ANO6: variants seen among roughly 807,000 people sequenced by gnomAD.
ANO6 encodes the protein anoctamin-6.
In ANO6, 106 loss-of-function variants were observed where a neutral mutation model predicts 117.5. That is an observed-to-expected ratio of 0.90 (90% CI 0.77 to 1.06). The LOEUF (loss-of-function observed/expected upper bound fraction) is 1.06. ANO6 is among the 50% of genes least tolerant of loss of function. ANO6 has a pLI of 0.00. For missense variants in ANO6, 955 were observed against 1,121.1 expected, an observed-to-expected ratio of 0.85 and a Z score of 2.12; for synonymous variants, 367 against 385.1, an observed-to-expected ratio of 0.95 and a Z score of 0.55.
At chr12:45,259,662 T>C (rs1386279114) in intron 1 of ANO6, among the ~76,000 whole-genome samples, 1 of 152,206 alleles carries the variant, frequency 6.6e-6, no homozygotes, top group Non-Finnish European at 1.5e-5. Context: ...TGCCTCTTTA[T>C]TTGCTCCAAC....
At chr12:45,240,351 A>ATTTTTTT (rs57126852) in intron 1 of ANO6, among the ~76,000 whole-genome samples, 2 of 30,700 alleles carry the variant, frequency 6.5e-5, no homozygotes, top group Non-Finnish European at 8.7e-5. Context: ...GCAACCCCTG[A>ATTTTTTT]TTTTTTTTTT....
At chr12:45,347,850 G>A (rs948305507) in intron 4 of ANO6, among the ~76,000 whole-genome samples, 178 bp from the exon 5 acceptor site, 11 of 151,996 alleles carry the variant, frequency 7.2e-5, no homozygotes, top group African/African-American at 2.7e-4. Context: ...CCAAGAAATC[G>A]TCTTTAAGAC....
At chr12:45,218,703 CAAAGCCTTTTACA>C (rs773319686) in intron 1 of ANO6, among the ~76,000 whole-genome samples, 3 of 152,124 alleles carry the variant, frequency 2.0e-5, no homozygotes, top group Non-Finnish European at 4.4e-5. Context: ...GATAGTGGTC[CAAAGCCTTTTACA>C]AAATAATTAT....
chr12:45,309,358 A>G (rs988129227), intron 2 of ANO6, among the ~76,000 whole-genome samples: 3 of 152,106 alleles, frequency 2.0e-5, no homozygotes, highest in Non-Finnish European at 4.4e-5. Flanking sequence ...TTGGGGTTGT[A>G]TTCTATTCAC....
chr12:45,424,077 C>T (rs1943433063), intron 19 of ANO6, among the ~76,000 whole-genome samples: 1 of 151,170 alleles, frequency 6.6e-6, no homozygotes. Context: ...ACAAGTAACT[C>T]ACGGTTAGTA....
chr12:45,328,028 T>A (rs1318938258), intron 2 of ANO6, among the ~76,000 whole-genome samples: 2 of 152,070 alleles, frequency 1.3e-5, no homozygotes, highest in Non-Finnish European at 2.9e-5. Flanking sequence ...ACCTTGATCA[T>A]CATAGAGTCA....
rs779869886 is a variant in ANO6, at chr12:45,413,075, G to A, written c.2011+3588G>A. On this transcript the variant is annotated intron_variant, in intron 16 of 19. Transcript: ENST00000320560. ...TCTGGTGTGCTTAGCCTGAGGACTT[G>A]AACTTTATTCTTAAAGAAATTAGGA... is the stretch of plus-strand genomic sequence containing the variant. Among the ~76,000 whole-genome samples the A allele has an allele frequency of 5.9e-5, 9 of 152,294 alleles. No individual in the cohort carries two copies. The South Asian group carries it at 6.2e-4, about 11-fold the overall frequency.
chr12:45,408,201 T>C (rs1190799309), intron 15 of ANO6, among the ~76,000 whole-genome samples: 1 of 152,228 alleles, frequency 6.6e-6, no homozygotes, highest in Non-Finnish European at 1.5e-5. Flanking sequence ...CATCATGCGA[T>C]GCCTTCTCAT....
chr12:45,355,893 G>A (rs1941398649), intron 7 of ANO6, among the ~76,000 whole-genome samples: 1 of 152,170 alleles, frequency 6.6e-6, no homozygotes, highest in South Asian at 2.1e-4. Flanking sequence ...TAAGACCAAG[G>A]AGTTCAGCCC....
At chr12:45,357,499 GT>G in intron 8 of ANO6, 75 bp downstream of exon 8, 1 of 1,552,846 alleles carries the variant, frequency 6.4e-7, no homozygotes. Context: ...GTCTTAAACT[GT>G]TTTGGTAAGA....
chr12:45,303,528 A>T (rs753051015), intron 2 of ANO6, among the ~76,000 whole-genome samples: 61 of 152,322 alleles, frequency 4.0e-4, no homozygotes, highest in African/African-American at 1.4e-3. Context: ...GTAAACCTAT[A>T]CATAGTTCGC....
At chr12:45,250,228 C>T (rs1213982268) in intron 1 of ANO6, among the ~76,000 whole-genome samples, 1 of 152,194 alleles carries the variant, frequency 6.6e-6, no homozygotes. Flanking sequence ...GAAGAGGTGA[C>T]ATTTCAGACA....
intron 1 of ANO6, among the ~76,000 whole-genome samples, chr12:45,250,524 C>G (rs1198883862): frequency 6.6e-6 from 1 of 152,012 alleles, no homozygotes; most frequent in Non-Finnish European, 1.5e-5. Flanking sequence ...TCTTGAGTAG[C>G]TAGGAGTATA....
At chr12:45,391,943 G>T (rs1190756065) in intron 12 of ANO6, among the ~76,000 whole-genome samples, 1 of 152,218 alleles carries the variant, frequency 6.6e-6, no homozygotes, top group Non-Finnish European at 1.5e-5. Flanking sequence ...CAACACAGAA[G>T]ACGGGTAATT....
intron 1 of ANO6, among the ~76,000 whole-genome samples, chr12:45,228,690 A>AGG (rs1286724803): frequency 3.3e-5 from 5 of 152,126 alleles, no homozygotes. Context: ...CGCTAGTGGG[A>AGG]GGGCAGTATT....
chr12:45,416,996 A>G, intron 17 of ANO6, 92 bp downstream of exon 17: 1 of 1,276,018 alleles, frequency 7.8e-7, no homozygotes, highest in Non-Finnish European at 1.1e-6. Flanking sequence ...TTTTAAAATG[A>G]GAGGAAGATG....
intron 9 of ANO6, among the ~76,000 whole-genome samples, chr12:45,374,234 C>T (rs2137531308): frequency 9.6e-6 from 1 of 104,014 alleles, no homozygotes; most frequent in South Asian, 4.0e-4. Context: ...CAAAAAGAGT[C>T]CAGGACCAGA....
chr12:45,250,678 C>T (rs778270695), intron 1 of ANO6, among the ~76,000 whole-genome samples: 54 of 150,022 alleles, frequency 3.6e-4, no homozygotes, highest in Non-Finnish European at 1.0e-4. Context: ...ACTGGGATTG[C>T]AGGCATGAGC....
intron 4 of ANO6, 66 bp from the exon 5 acceptor site, chr12:45,347,962 T>C (rs1592996511): frequency 6.7e-7 from 1 of 1,493,924 alleles, no homozygotes; most frequent in Non-Finnish European, 9.2e-7. Flanking sequence ...ATAAGAAAAA[T>C]CTATGTGTTT....
Sources: allele counts gnomAD v4.1 joint callset (sites outside exome capture counted in the v4.1 genomes callset), GRCh38; gene constraint gnomAD v4.1.1; transcripts MANE v1.5; gene names NCBI Gene and HGNC (gene_info 2026-07-23, HGNC 2026-07-21).